The following ABAT variants were observed in gnomAD, a reference collection of about 807,000 sequenced individuals.
ABAT encodes the protein 4-aminobutyrate aminotransferase, mitochondrial.
ABAT carries 45 observed loss-of-function variants against 64.6 expected under a neutral mutation model. The observed-to-expected ratio is 0.70, with a 90% CI of 0.55 to 0.89. The LOEUF (loss-of-function observed/expected upper bound fraction) is 0.89. ABAT is among the 40% of genes least tolerant of loss of function. ABAT has a pLI of 0.00. For missense variants in ABAT, 633 were observed against 658.4 expected (o/e 0.96, Z 0.42); for synonymous variants, 297 against 250.5 (o/e 1.19, Z -1.75).
chr16:8,700,815 A>G (rs1248021092), intron 1 of ABAT, among the ~76,000 whole-genome samples: 4 of 151,862 alleles, frequency 2.6e-5, no homozygotes, highest in African/African-American at 9.7e-5. Context: ...TATGTTGCTC[A>G]GGCTGGTCTT....
chr16:8,753,370 C>G (rs1394136785), intron 5 of ABAT, among the ~76,000 whole-genome samples: 1 of 152,198 alleles, frequency 6.6e-6, no homozygotes, highest in Non-Finnish European at 1.5e-5. Flanking sequence ...GCTAGGAATA[C>G]AGGCGTGAGC....
At chr16:8,773,542 T>C (rs6497960) in intron 12 of ABAT, among the ~76,000 whole-genome samples, 20,528 of 152,232 alleles carry the variant, frequency 0.13, 2,117 homozygotes, top group African/African-American at 0.28. Context: ...TCACCTAAAA[T>C]ATTTATCATC....
chr16:8,732,932 C>T (rs202011043), intron 1 of ABAT, among the ~76,000 whole-genome samples: 10 of 148,118 alleles, frequency 6.8e-5, no homozygotes, highest in African/African-American at 2.3e-4. Flanking sequence ...GGGGGGCTGA[C>T]CCCCCTACCT....
intron 2 of ABAT, among the ~76,000 whole-genome samples, chr16:8,741,494 T>C (rs2059160291): frequency 6.6e-6 from 1 of 152,218 alleles, no homozygotes; most frequent in African/African-American, 2.4e-5. Flanking sequence ...AATAATAACA[T>C]TTACCTCATA....
chr16:8,746,852 G>T (rs147437130), intron 3 of ABAT, among the ~76,000 whole-genome samples: 2,019 of 152,278 alleles, frequency 0.013, 141 homozygotes, highest in Admixed American at 0.12. Flanking sequence ...TGCATTTAAG[G>T]TTCATTGGGA....
In ABAT at chr16:8,769,769, G is replaced by A. The variant is rs759943242; in HGVS notation, c.816+796G>A. ...CCCCGTTTCCACGTCATCTAACACA[G>A]CCCTCTTTAGATCCACTCAGTATAT... On this transcript the variant is annotated intron_variant, in intron 11 of 15. Transcript: ENST00000268251. 1.1e-4 allele frequency among the ~76,000 whole-genome samples: 16 copies of A among 152,226 alleles called. No homozygotes were observed. In the South Asian group the frequency reaches 2.1e-3, roughly 20 times the overall value.
chr16:8,714,237 G>A (rs1263723777), intron 1 of ABAT, among the ~76,000 whole-genome samples: 1 of 152,216 alleles, frequency 6.6e-6, no homozygotes, highest in African/African-American at 2.4e-5. Flanking sequence ...GAAATGAAGT[G>A]AGGGTCACCT....
intron 1 of ABAT, chr16:8,713,788 G>T (rs1356440097): frequency 2.2e-6 from 1 of 449,574 alleles, no homozygotes. Context: ...TGCGTTCCTG[G>T]CCTCTGCAGA....
Position 8,781,173 on chromosome 16 carries a change from CTTCCATGATGGAGGATGATGGATGGATGG to C in ABAT, c.1382-135_1382-107del, listed in dbSNP as rs2060426207. 7.1e-7 allele frequency: 1 copy of C among 1,416,164 alleles called. No individual in the cohort carries two copies. Among genetic ancestry groups the C allele is most frequent in the Non-Finnish European group, 9.9e-7 (1 of 1,011,470 alleles). The allele number at this position is 1,416,164 out of a possible 1,614,324, so 87.7% of individuals were successfully genotyped here. On this transcript the variant is annotated intron_variant, in intron 15 of 15. Coordinates refer to ENST00000268251, the MANE Select transcript of ABAT (RefSeq NM_020686.6). This position sits in a 1 kb window ranked among gnomAD's most constrained non-coding sequence, Gnocchi z 4.5. ...GTGGGTGGTAGGAAGGAAGCCCGGGCTTCCATGATGGAGGATGATGGATGGATGGATGGATGGATGGATGAGCGTTGCCA... is the reference window on the plus strand; with the variant it reads ...GTGGGTGGTAGGAAGGAAGCCCGGGCATGGATGGATGGATGAGCGTTGCCA...
At chr16:8,719,589 T>C (rs2058307430) in intron 1 of ABAT, among the ~76,000 whole-genome samples, 1 of 152,134 alleles carries the variant, frequency 6.6e-6, no homozygotes, top group East Asian at 1.9e-4. Context: ...TCAGCTTCTT[T>C]CTCATGAAAT....
intron 1 of ABAT, among the ~76,000 whole-genome samples, chr16:8,711,688 A>G (rs28482261): frequency 1.4e-5 from 2 of 147,196 alleles, no homozygotes; most frequent in South Asian, 2.3e-4. Context: ...GGAAGGATGG[A>G]TGGATGGATG....
intron 1 of ABAT, among the ~76,000 whole-genome samples, chr16:8,704,500 T>C (rs866676890): frequency 7.2e-5 from 11 of 152,140 alleles, no homozygotes; most frequent in Non-Finnish European, 1.5e-4. Context: ...TAATGAAGAA[T>C]CAGAAACTAC....
rs1372763561 is a variant in ABAT, at chr16:8,764,598, C to T, written c.448-140C>T. On this transcript the variant is annotated intron_variant, in intron 7 of 15. Transcript: ENST00000268251. This position sits in a 1 kb window ranked among gnomAD's most constrained non-coding sequence, Gnocchi z 4.2. ...CCCTGGAAAAGCCTGAGCCCACCCT[C>T]CCAGTCCGACACCTTCCAGGACAGC... 1.2e-6 allele frequency: 1 copy of T among 831,994 alleles called. No homozygotes were observed. Among genetic ancestry groups the T allele is most frequent in the African/African-American group, 1.7e-5 (1 of 59,604 alleles). 51.5% of individuals were successfully genotyped at this position (831,994 alleles called of 1,614,324 possible). A position where few individuals can be genotyped will look rare whatever the true frequency, so the allele number is the denominator to read the frequency against.
chr16:8,702,040 T>C (rs1043342429), intron 1 of ABAT, among the ~76,000 whole-genome samples: 1 of 152,090 alleles, frequency 6.6e-6, no homozygotes, highest in Non-Finnish European at 1.5e-5. Context: ...TGGGGGTGTA[T>C]TGGTTCGTTC....
rs2060484450 is a variant in ABAT at position 8,783,477 on chromosome 16, GC to G, written c.*2049del. 1 of 152,260 alleles carries G rather than the reference GC, an allele frequency of 6.6e-6. No individual in the cohort carries two copies. Among genetic ancestry groups the G allele is most frequent in the African/African-American group, 2.4e-5 (1 of 41,446 alleles). 9.4% of individuals were successfully genotyped at this position (152,260 alleles called of 1,614,324 possible). Reference sequence around the variant, plus strand: ...ATTGGAGCAGTGTTTTGCAGAATGAGCCAGAGTTCACCAAGCAGGCAAGGCA... The same window carrying G: ...ATTGGAGCAGTGTTTTGCAGAATGAGCAGAGTTCACCAAGCAGGCAAGGCA... On this transcript the variant is annotated 3_prime_UTR_variant, in exon 16 of 16. Transcript: ENST00000268251.
intron 1 of ABAT, among the ~76,000 whole-genome samples, chr16:8,732,041 CG>C (rs1334632999): frequency 6.6e-6 from 1 of 151,862 alleles, no homozygotes; most frequent in Non-Finnish European, 1.5e-5. Context: ...TTGGTAGAGA[CG>C]GGGTTTCACT....
At chr16:8,701,900 A>AG (rs2057832060) in intron 1 of ABAT, among the ~76,000 whole-genome samples, 1 of 104,248 alleles carries the variant, frequency 9.6e-6, no homozygotes, top group South Asian at 3.2e-4. Context: ...AGGAACCACG[A>AG]GGGGGCCAGT....
chr16:8,683,500 T>A (rs1454074605), intron 1 of ABAT: 1 of 150,750 alleles, frequency 6.6e-6, no homozygotes, highest in Non-Finnish European at 1.5e-5. Flanking sequence ...GAATTATGCC[T>A]GTAAATAGCT....
chr16:8,740,543 T>C lies in ABAT; in HGVS notation c.70+4734T>C, dbSNP rs142424674. Among the ~76,000 whole-genome samples, 889 of 152,274 alleles carry C rather than the reference T, an allele frequency of 5.8e-3. 4 individuals carry two copies. The highest frequency in any genetic ancestry group is 0.037 in the Middle Eastern group (11 of 294). On this transcript the variant is annotated intron_variant, in intron 2 of 15. Transcript: ENST00000268251. The stretch of plus-strand genomic sequence containing the variant: ...CGCTTACAATGTGGCAACTGCTCCC[T>C]CAAAGCAAGAGAGGGTGCCAAAAAT...
Sources: allele counts gnomAD v4.1 joint callset (sites outside exome capture counted in the v4.1 genomes callset), GRCh38; gene constraint gnomAD v4.1.1; non-coding constraint Gnocchi (gnomAD v3.1); transcripts MANE v1.5; gene names NCBI Gene and HGNC (gene_info 2026-07-23, HGNC 2026-07-21).